The following NRG3 variants were observed in gnomAD, a reference collection of about 807,000 sequenced individuals.
NRG3 encodes the protein neuregulin 3, also known as pro-neuregulin-3, membrane-bound isoform.
NRG3 carries 31 observed loss-of-function variants against 66.9 expected under a neutral mutation model. That is an observed-to-expected ratio of 0.46 (90% CI 0.35 to 0.63). The LOEUF is 0.63. NRG3 is among the 20% of genes least tolerant of loss of function. NRG3 has a pLI of 0.00. For synonymous variants in NRG3, 393 were observed against 359.4 expected, an observed-to-expected ratio of 1.09 and a Z score of -1.06; for missense variants, 910 against 878.9, an observed-to-expected ratio of 1.04 and a Z score of -0.45.
chr10:82,056,134 G>A (rs1201691924), intron 1 of NRG3, among the ~76,000 whole-genome samples: 1 of 152,082 alleles, frequency 6.6e-6, no homozygotes, highest in Non-Finnish European at 1.5e-5. Flanking sequence ...TGTGACTATA[G>A]CATAATGGAG....
At chr10:81,938,636 T>C (rs2133071695) in intron 1 of NRG3, among the ~76,000 whole-genome samples, 1 of 151,264 alleles carries the variant, frequency 6.6e-6, no homozygotes, top group East Asian at 2.0e-4. Flanking sequence ...TGTGTGTGTG[T>C]GTGTGCATGC....
intron 1 of NRG3, among the ~76,000 whole-genome samples, chr10:82,163,049 G>A (rs2132976741): frequency 6.6e-6 from 1 of 152,080 alleles, no homozygotes; most frequent in Non-Finnish European, 1.5e-5. Context: ...CCTGCTTGTG[G>A]CTTAAAGTAC....
At chr10:82,145,888 A>G (rs1011115536) in intron 1 of NRG3, among the ~76,000 whole-genome samples, 1 of 152,166 alleles carries the variant, frequency 6.6e-6, no homozygotes, top group East Asian at 1.9e-4. Context: ...ATTGCAATAG[A>G]TAAGTAGGTA....
chr10:82,853,156 G>A (rs367773996), intron 3 of NRG3, among the ~76,000 whole-genome samples: 7 of 152,094 alleles, frequency 4.6e-5, no homozygotes, highest in African/African-American at 1.2e-4. Flanking sequence ...GTATTTTAAT[G>A]GACATCTTTT....
At chr10:82,332,846 T>A (rs2082204445) in intron 1 of NRG3, among the ~76,000 whole-genome samples, 1 of 152,120 alleles carries the variant, frequency 6.6e-6, no homozygotes, top group Non-Finnish European at 1.5e-5. Flanking sequence ...AAATCCAATC[T>A]CTTGAGGCAA....
chr10:81,930,278 C>T (rs1171884062), intron 1 of NRG3, among the ~76,000 whole-genome samples: 3 of 152,148 alleles, frequency 2.0e-5, no homozygotes, highest in South Asian at 2.1e-4. Context: ...AGATGGTCCT[C>T]GCTTCATACT....
chr10:82,241,549 G>C (rs950498066), intron 1 of NRG3, among the ~76,000 whole-genome samples: 1 of 152,040 alleles, frequency 6.6e-6, no homozygotes, highest in African/African-American at 2.4e-5. Context: ...TTAATAGCTA[G>C]TTTAGCACAT....
chr10:81,924,784 A>G (rs1388644840), intron 1 of NRG3, among the ~76,000 whole-genome samples: 1 of 152,198 alleles, frequency 6.6e-6, no homozygotes, highest in Non-Finnish European at 1.5e-5. Flanking sequence ...CACTGGAGGA[A>G]AATGGCCAGC....
At chr10:82,201,906 T>C (rs2074847464) in intron 1 of NRG3, among the ~76,000 whole-genome samples, 1 of 152,170 alleles carries the variant, frequency 6.6e-6, no homozygotes, top group Admixed American at 6.5e-5. Flanking sequence ...GTTGAGGATT[T>C]AGAGAAGAGA....
At chr10:81,961,625 A>G (rs1850372657) in intron 1 of NRG3, among the ~76,000 whole-genome samples, 1 of 152,234 alleles carries the variant, frequency 6.6e-6, no homozygotes, top group African/African-American at 2.4e-5. Context: ...ATCCTGTGCA[A>G]TGGCATTTTG....
chr10:82,955,849 TTCCATTCTGGTATTGTTTACC>T (rs1187829648), intron 5 of NRG3, among the ~76,000 whole-genome samples: 1 of 151,950 alleles, frequency 6.6e-6, no homozygotes, highest in African/African-American at 2.4e-5. Context: ...CAATCTCATG[TTCCATTCTGGTATTGTTTACC>T]TCCAATGATG....
At chr10:82,462,011 A>T (rs917373111) in intron 2 of NRG3, among the ~76,000 whole-genome samples, 2 of 152,062 alleles carry the variant, frequency 1.3e-5, no homozygotes, top group African/African-American at 2.4e-5. Flanking sequence ...CATGCCTGTA[A>T]TCCCAGCTAC....
At chr10:82,160,498 TTTTTG>T (rs961239763) in intron 1 of NRG3, among the ~76,000 whole-genome samples, 1 of 151,850 alleles carries the variant, frequency 6.6e-6, no homozygotes, top group Non-Finnish European at 1.5e-5. Context: ...AATTTCTTTT[TTTTTG>T]TTTTGTTTTG....
intron 2 of NRG3, among the ~76,000 whole-genome samples, chr10:82,364,237 G>C (rs988976562): frequency 6.6e-6 from 1 of 152,064 alleles, no homozygotes; most frequent in Non-Finnish European, 1.5e-5. Context: ...AGTGCTTCCA[G>C]ATTAAGCACT....
intron 1 of NRG3, among the ~76,000 whole-genome samples, chr10:82,010,519 A>G (rs1395949907): frequency 6.6e-6 from 1 of 152,212 alleles, no homozygotes; most frequent in East Asian, 1.9e-4. Context: ...GCTTATTAAT[A>G]AAACAGTCTG....
chr10:82,059,845 A>G (rs2064043186), intron 1 of NRG3, among the ~76,000 whole-genome samples: 1 of 152,174 alleles, frequency 6.6e-6, no homozygotes, highest in Admixed American at 6.5e-5. Context: ...TTCATGTCCT[A>G]GGTACCACCA....
intron 2 of NRG3, among the ~76,000 whole-genome samples, chr10:82,650,543 G>A (rs750321134): frequency 1.3e-5 from 2 of 152,070 alleles, no homozygotes; most frequent in Non-Finnish European, 2.9e-5. Context: ...GCAAATTTTG[G>A]TGAGTGATTT....
intron 3 of NRG3, among the ~76,000 whole-genome samples, chr10:82,785,694 T>C (rs2060330344): frequency 6.6e-6 from 1 of 152,198 alleles, no homozygotes; most frequent in Non-Finnish European, 1.5e-5. Context: ...TTTACAGAGC[T>C]ACGTGACTTC....
intron 2 of NRG3, among the ~76,000 whole-genome samples, chr10:82,475,555 A>G (rs1465862131): frequency 6.6e-6 from 1 of 152,290 alleles, no homozygotes; most frequent in African/African-American, 2.4e-5. Context: ...ATATGGTTAA[A>G]TGCTTTTCTA....
Sources: gnomAD v4.1 joint callset for allele counts (sites outside exome capture counted in the v4.1 genomes callset) on GRCh38, gnomAD v4.1.1 for gene constraint, MANE v1.5 for transcripts, NCBI Gene and HGNC (gene_info 2026-07-23, HGNC 2026-07-21) for gene names.